Variants in ADCY2 observed in about 807,000 individuals in gnomAD.
ADCY2 encodes adenylate cyclase 2, also known as adenylate cyclase type 2.
Under a neutral mutation model 125.2 loss-of-function variants are expected in ADCY2, and 31 were observed. That is an observed-to-expected ratio of 0.25 (90% confidence interval 0.19 to 0.33). The LOEUF is 0.33. Ranked by LOEUF, ADCY2 falls within the 10% of genes least tolerant of loss-of-function variation. The probability of loss-of-function intolerance (pLI) is 1.00; values close to 1 mark genes in which losing one functional copy is unlikely to be tolerated. For synonymous variants in ADCY2, 512 were observed against 548.4 expected (o/e 0.93, Z 0.93); for missense variants, 904 against 1,418.2 (o/e 0.64, Z 5.82).
chr5:7,482,791 T>TATATACAC, intron 2 of ADCY2, among the ~76,000 whole-genome samples: 1 of 139,842 alleles, frequency 7.2e-6, no homozygotes, highest in East Asian at 2.1e-4. Flanking sequence ...TATATATATA[T>TATATACAC]ACACACACAC....
rs561359357 is a variant in ADCY2 at position 7,699,081 on chromosome 5, A to ATTTTTTTTTTT, written c.1109+731_1109+741dup. 2.6e-3 allele frequency among the ~76,000 whole-genome samples: 97 copies of ATTTTTTTTTTT among 37,970 alleles called. 29 individuals carry two copies. Among genetic ancestry groups the ATTTTTTTTTTT allele is most frequent in the East Asian group, 0.014 (10 of 726 alleles). The allele number at this position is 37,970 out of a possible 152,430, so 24.9% of individuals were successfully genotyped here. On this transcript the variant is annotated intron_variant, in intron 7 of 24. Coordinates refer to ENST00000338316, the MANE Select transcript of ADCY2 (RefSeq NM_020546.3). Reference sequence around the variant, plus strand: ...CCTGAGTCAGGAAACAACAGTAAGCATTTTTTTTTTTTTTTTTTTTTTTTT... The same window carrying ATTTTTTTTTTT: ...CCTGAGTCAGGAAACAACAGTAAGCATTTTTTTTTTTTTTTTTTTTTTTTTTTTTTTTTTTT...
intron 15 of ADCY2, among the ~76,000 whole-genome samples, chr5:7,746,654 A>G (rs1579384829): frequency 6.6e-6 from 1 of 152,342 alleles, no homozygotes. Context: ...TTATGAATTA[A>G]ATACTGAGTT....
chr5:7,570,014 C>A (rs1736021744), intron 3 of ADCY2, among the ~76,000 whole-genome samples: 2 of 152,070 alleles, frequency 1.3e-5, no homozygotes, highest in East Asian at 3.9e-4. Flanking sequence ...AAACCAGTAT[C>A]ATTGATTTTC....
At chr5:7,481,790 GT>G (rs1742741142) in intron 2 of ADCY2, among the ~76,000 whole-genome samples, 1 of 152,050 alleles carries the variant, frequency 6.6e-6, no homozygotes, top group African/African-American at 2.4e-5. Flanking sequence ...GTGTGTGTGT[GT>G]GTGTGCAGAA....
chr5:7,710,644 A>C (rs1741410317), intron 10 of ADCY2, among the ~76,000 whole-genome samples: 1 of 152,330 alleles, frequency 6.6e-6, no homozygotes, highest in South Asian at 2.1e-4. Context: ...AGCATCATGA[A>C]CAATGAGCAA....
intron 3 of ADCY2, among the ~76,000 whole-genome samples, chr5:7,621,180 A>G (rs1461064399): frequency 3.3e-5 from 5 of 152,232 alleles, no homozygotes; most frequent in Non-Finnish European, 7.3e-5. Flanking sequence ...AATAATCCTC[A>G]GAGGGGTCAC....
At chr5:7,749,835 A>T (rs1394360225) in intron 15 of ADCY2, 1 of 152,232 alleles carries the variant, frequency 6.6e-6, no homozygotes, top group Non-Finnish European at 1.5e-5. Flanking sequence ...GCCTCGGGAA[A>T]GGGAAAGTAG....
chr5:7,571,422 C>T, intron 3 of ADCY2, among the ~76,000 whole-genome samples: 1 of 152,134 alleles, frequency 6.6e-6, no homozygotes, highest in Middle Eastern at 3.2e-3. Context: ...CTTCCTCCAC[C>T]TTTCTGTTCT....
intron 16 of ADCY2, among the ~76,000 whole-genome samples, chr5:7,760,628 TC>T (rs1443731361): frequency 6.6e-6 from 1 of 152,228 alleles, no homozygotes; most frequent in East Asian, 1.9e-4. Context: ...GATCATTTTT[TC>T]TTTCTCTCAT....
At position 7,727,192 on chromosome 5, in the gene ADCY2, A is replaced by C. The variant is rs529971476; in HGVS notation, c.1802A>C (p.Lys601Thr). The C allele has an allele frequency of 1.2e-6, 2 of 1,614,134 alleles. No individual in the cohort carries two copies. The highest frequency in any genetic ancestry group is 2.2e-5 in the South Asian group (2 of 91,072). The change falls in exon 14 of 25, where the codon AAG (lysine) becomes ACG (threonine). Residue 601 changes from lysine (K) to threonine (T), a missense_variant. Physicochemically the swap from Lys to Thr is moderately conservative, Grantham distance 78. Coordinates refer to ENST00000338316, the MANE Select transcript of ADCY2 (RefSeq NM_020546.3). ...EYRATALPAF[K>T]YYVTCACLIF... ...CGGGCCACGGCACTGCCAGCGTTCA[A>C]GTATTATGTGACTTGTGCCTGTCTC... is the stretch of plus-strand genomic sequence containing the variant.
intron 2 of ADCY2, among the ~76,000 whole-genome samples, chr5:7,434,873 C>G (rs919327130): frequency 6.6e-6 from 1 of 152,196 alleles, no homozygotes; most frequent in Non-Finnish European, 1.5e-5. Flanking sequence ...TGCATGGGTC[C>G]AAAATCTCTT....
intron 2 of ADCY2, among the ~76,000 whole-genome samples, chr5:7,463,143 C>A (rs1741972950): frequency 6.6e-6 from 1 of 152,178 alleles, no homozygotes; most frequent in Non-Finnish European, 1.5e-5. Context: ...AATAAACATA[C>A]CTATAAAATT....
rs550436826 is a variant in ADCY2 at position 7,822,182 on chromosome 5, G to A, written c.3123+1493G>A. Among the ~76,000 whole-genome samples the A allele has an allele frequency of 5.3e-5, 8 of 152,302 alleles. No individual in the cohort carries two copies. In the South Asian group the frequency reaches 1.7e-3, roughly 32 times the overall value. On this transcript the variant is annotated intron_variant, in intron 24 of 24. Coordinates refer to ENST00000338316, the MANE Select transcript of ADCY2 (RefSeq NM_020546.3). The stretch of plus-strand genomic sequence containing the variant: ...ACCATTATACTCTTGGATAATATAT[G>A]TAGAATGGTAAACATGTTCACAAGG...
At chr5:7,397,935 G>A (rs1165760057) in intron 1 of ADCY2, among the ~76,000 whole-genome samples, 1 of 152,124 alleles carries the variant, frequency 6.6e-6, no homozygotes, top group Non-Finnish European at 1.5e-5. Context: ...CTCTGGAATG[G>A]CATTTTTATC....
chr5:7,461,102 C>T (rs1741902173), intron 2 of ADCY2, among the ~76,000 whole-genome samples: 1 of 152,144 alleles, frequency 6.6e-6, no homozygotes, highest in Non-Finnish European at 1.5e-5. Context: ...TCAGGGGCAG[C>T]TGGTCCAAGG....
intron 14 of ADCY2, 133 bp from the exon 15 acceptor site, chr5:7,743,535 T>C (rs1742506033): frequency 1.3e-6 from 1 of 780,972 alleles, no homozygotes; most frequent in Admixed American, 2.3e-5. Flanking sequence ...TCCATTTTTA[T>C]TTCTCAAAAA....
chr5:7,550,587 T>A (rs1217393377), intron 3 of ADCY2, among the ~76,000 whole-genome samples: 1 of 152,214 alleles, frequency 6.6e-6, no homozygotes, highest in Non-Finnish European at 1.5e-5. Flanking sequence ...CTCTTGGCCA[T>A]GAACTGTATT....
chr5:7,422,892 G>A (rs77381319), intron 2 of ADCY2, among the ~76,000 whole-genome samples: 2,017 of 152,230 alleles, frequency 0.013, 47 homozygotes, highest in African/African-American at 0.047. Flanking sequence ...TTTTCCTCTA[G>A]TGCAGTCACT....
chr5:7,620,653 A>C lies in ADCY2; in HGVS notation c.571-5514A>C, dbSNP rs564272970. On this transcript the variant is annotated intron_variant, in intron 3 of 24. Coordinates refer to ENST00000338316, the MANE Select transcript of ADCY2 (RefSeq NM_020546.3). ...TGAGAGATCAGTTAAGGAAAACTGT[A>C]CCTGATTATTTTCTCCCCCAGGCAA... is the stretch of plus-strand genomic sequence containing the variant. 3.9e-5 allele frequency among the ~76,000 whole-genome samples: 6 copies of C among 152,306 alleles called. No homozygotes were observed. The East Asian group carries it at 1.2e-3, about 29-fold the overall frequency.
Sources: gnomAD v4.1 joint callset for allele counts (sites outside exome capture counted in the v4.1 genomes callset) on GRCh38, gnomAD v4.1.1 for gene constraint, MANE v1.5 for transcripts, NCBI Gene and HGNC (gene_info 2026-07-23, HGNC 2026-07-21) for gene names.